The following PRR12 variants were observed in gnomAD, a reference collection of about 807,000 sequenced individuals.
PRR12 encodes the protein proline rich 12.
PRR12 carries 12 observed loss-of-function variants against 138.0 expected under a neutral mutation model. The observed-to-expected ratio is 0.09, with a 90% CI of 0.06 to 0.14. The LOEUF (loss-of-function observed/expected upper bound fraction) is 0.14. Among genes scored for constraint, PRR12 ranks in the 10% least tolerant of loss-of-function variants. The probability of loss-of-function intolerance (pLI) is 1.00; values close to 1 mark genes in which losing one functional copy is unlikely to be tolerated. For missense variants in PRR12, 2,692 were observed against 2,861.3 expected (o/e 0.94, Z 1.35); for synonymous variants, 1,567 against 1,291.7 (o/e 1.21, Z -4.57).
At position 49,596,212 on chromosome 19, in the gene PRR12, C is replaced by A; in HGVS notation, c.1877C>A (p.Ala626Glu). ...KGKGDGSELLAGPGGPPAERT... is the reference protein window; with the variant it reads ...KGKGDGSELLEGPGGPPAERT... The stretch of plus-strand genomic sequence containing the variant: ...AAGGGGGATGGCTCGGAGCTGCTGG[C>A]GGGCCCAGGTGGGCCTCCTGCGGAG... Residue 626 changes from alanine to glutamate, a missense_variant, in exon 4 of 14, where the codon GCG becomes GAG. Transcript: ENST00000418929. This position sits in a 1 kb window ranked among gnomAD's most constrained non-coding sequence, Gnocchi z 5.6. 1 of 1,610,696 alleles carries A rather than the reference C, an allele frequency of 6.2e-7. No homozygotes were observed. The highest frequency in any genetic ancestry group is 1.1e-5 in the South Asian group (1 of 91,062).
intron 6 of PRR12, among the ~76,000 whole-genome samples, chr19:49,606,447 G>C (rs1253505339): frequency 1.3e-5 from 2 of 151,638 alleles, no homozygotes; most frequent in Non-Finnish European, 2.9e-5. Flanking sequence ...GAGTAGCTGG[G>C]ATTACAGGCG....
At position 49,597,216 on chromosome 19, in the gene PRR12, G is replaced by T. The variant is rs1346874398; in HGVS notation, c.2881G>T (p.Asp961Tyr). 2 of 1,567,646 alleles carry T rather than the reference G, an allele frequency of 1.3e-6. No homozygotes were observed. The highest frequency in any genetic ancestry group is 1.7e-4 in the Middle Eastern group (1 of 6,014). ...EEMFGGGAAD[D>Y]YGKAGPPEDE... ...GATGTTCGGTGGAGGGGCCGCGGACGACTACGGCAAGGCCGGGCCACCTGA... is the reference window on the plus strand; with the variant it reads ...GATGTTCGGTGGAGGGGCCGCGGACTACTACGGCAAGGCCGGGCCACCTGA... The change falls in exon 4 of 14, where the codon GAC becomes TAC. Residue 961 changes from aspartate to tyrosine, a missense_variant. Around this residue, in one of 11 missense-constraint regions of PRR12, gnomAD observed 840 missense variants for 689.8 expected, o/e 1.22. Transcript: ENST00000418929. This position sits in a 1 kb window ranked among gnomAD's most constrained non-coding sequence, Gnocchi z 6.3.
chr19:49,605,962 A>T lies in PRR12; in HGVS notation c.4773+4044A>T, dbSNP rs376370418. On this transcript the variant is annotated intron_variant, in intron 6 of 13. Coordinates refer to ENST00000418929, the MANE Select transcript of PRR12 (RefSeq NM_020719.3). ...ATAGTTAAGAGCCCAGCTTTGGTTT[A>T]ACCTGACTGACTCAAATCTCTGCCA... 3.3e-5 allele frequency among the ~76,000 whole-genome samples: 5 copies of T among 152,326 alleles called. No homozygotes were observed. The East Asian group carries it at 9.7e-4, about 29-fold the overall frequency.
intron 11 of PRR12, among the ~76,000 whole-genome samples, chr19:49,622,170 C>T (rs946019303): frequency 8.5e-5 from 13 of 152,158 alleles, no homozygotes; most frequent in African/African-American, 3.1e-4. Flanking sequence ...TTTGAGAATT[C>T]TGGAAGACTT....
intron 1 of PRR12, among the ~76,000 whole-genome samples, chr19:49,592,115 G>A (rs933618515): frequency 4.0e-5 from 6 of 151,784 alleles, no homozygotes; most frequent in African/African-American, 1.5e-4. Context: ...GCAAAGGTGG[G>A]AAGAAGAGAA....
Position 49,616,360 on chromosome 19 carries a change from G to T in PRR12, c.5497+141G>T. On this transcript the variant is annotated intron_variant, in intron 9 of 13. Transcript: ENST00000418929. This position sits in a 1 kb window ranked among gnomAD's most constrained non-coding sequence, Gnocchi z 4.2. ...GATAATGGCAGTAGCTCACAGTCAC[G>T]GGGCATCTCACTACACGACAGGCTG... The T allele has an allele frequency of 1.4e-6, 1 of 719,104 alleles. No individual in the cohort carries two copies. The highest frequency in any genetic ancestry group is 2.9e-5 in the East Asian group (1 of 34,208). 44.5% of individuals were successfully genotyped at this position (719,104 alleles called of 1,614,324 possible). A position where few individuals can be genotyped will look rare whatever the true frequency, so the allele number is the denominator to read the frequency against.
At chr19:49,621,910 G>C in intron 11 of PRR12, 2 of 455,706 alleles carry the variant, frequency 4.4e-6, no homozygotes, top group African/African-American at 3.9e-5. Flanking sequence ...GACTAGGCCT[G>C]CACCCAAAGC....
At position 49,601,801 on chromosome 19, in the gene PRR12, G is replaced by A. The variant is rs1312711451; in HGVS notation, c.4656G>A (p.Gln1552=). ...DTRPLHLAKK[Q]ETAAVCGETD... ...GGCCCCTGCATCTGGCCAAAAAGCA[G>A]GAGACGGCGGCAGTGTGTGGGGAGA... The change falls in exon 6 of 14, where the codon CAG becomes CAA. Residue 1552 remains glutamine (Q), a synonymous_variant. Transcript: ENST00000418929. The A allele has an allele frequency of 6.2e-7, 1 of 1,611,660 alleles. No homozygotes were observed. Among genetic ancestry groups the A allele is most frequent in the South Asian group, 1.1e-5 (1 of 90,856 alleles).
Position 49,615,855 on chromosome 19 carries a change from T to A in PRR12, c.5133T>A (p.Ser1711=). The change falls in exon 9 of 14, where the codon TCT becomes TCA. Residue 1711 remains serine (S), a synonymous_variant. Coordinates refer to ENST00000418929, the MANE Select transcript of PRR12 (RefSeq NM_020719.3). ...CTGAGACCCCTGAAAAGACGACATC[T>A]GAGAAGCCCCCAGAGCAGACTCCTG... is the stretch of plus-strand genomic sequence containing the variant. ...PKPETPEKTT[S]EKPPEQTPET... The A allele has an allele frequency of 6.2e-7, 1 of 1,604,992 alleles. No individual in the cohort carries two copies. Among genetic ancestry groups the A allele is most frequent in the Non-Finnish European group, 8.5e-7 (1 of 1,176,072 alleles).
rs762664639 is a variant in PRR12, at chr19:49,596,436, C to G, written c.2101C>G (p.Gln701Glu). The G allele has an allele frequency of 3.7e-6, 6 of 1,610,976 alleles. No individual in the cohort carries two copies. Among genetic ancestry groups the G allele is most frequent in the Non-Finnish European group, 5.1e-6 (6 of 1,179,540 alleles). Residue 701 changes from glutamine to glutamate, a missense_variant, in exon 4 of 14, where the codon CAG becomes GAG. This residue lies in a region of PRR12 where 840 missense variants were observed against 689.8 expected (regional missense o/e 1.22). Transcript: ENST00000418929. This position sits in a 1 kb window ranked among gnomAD's most constrained non-coding sequence, Gnocchi z 5.6. ...GGAAGACCCCCAGAGGTACCACCTG[C>G]AGAGTGTCATCCGCACCAGTGCCAG... The part of the protein sequence containing the change: ...AKEDPQRYHL[Q>E]SVIRTSASLD...
At chr19:49,623,157 G>A (rs372565703) in intron 11 of PRR12, among the ~76,000 whole-genome samples, 20 of 151,790 alleles carry the variant, frequency 1.3e-4, no homozygotes, top group African/African-American at 4.6e-4. Context: ...AAAATTCTGG[G>A]TAGCATTAGG....
At position 49,625,411 on chromosome 19, in the gene PRR12, C is replaced by A; in HGVS notation, c.5965-50C>A. 1.3e-6 allele frequency: 2 copies of A among 1,534,652 alleles called. No homozygotes were observed. The highest frequency in any genetic ancestry group is 1.7e-6 in the Non-Finnish European group (2 of 1,143,488). Reference sequence around the variant, plus strand: ...GCCCCATGCCCCAGCCCCTTCCCTCCCCAGAGGCCGGTGTGCCACCCTCCC... The same window carrying A: ...GCCCCATGCCCCAGCCCCTTCCCTCACCAGAGGCCGGTGTGCCACCCTCCC... On this transcript the variant is annotated intron_variant, in intron 13 of 13. Coordinates refer to ENST00000418929, the MANE Select transcript of PRR12 (RefSeq NM_020719.3). This position sits in a 1 kb window ranked among gnomAD's most constrained non-coding sequence, Gnocchi z 5.5.
intron 6 of PRR12, among the ~76,000 whole-genome samples, chr19:49,602,765 T>A (rs2080819174): frequency 6.6e-6 from 1 of 152,208 alleles, no homozygotes; most frequent in Non-Finnish European, 1.5e-5. Flanking sequence ...TTGGCCAGGC[T>A]GGTCTCGAAC....
chr19:49,596,929 G>A lies in PRR12; in HGVS notation c.2594G>A (p.Ser865Asn), dbSNP rs775006896. Residue 865 changes from serine (S) to asparagine (N), a missense_variant, in exon 4 of 14, where the codon AGC (serine) becomes AAC (asparagine). This residue lies in a region of PRR12 where 840 missense variants were observed against 689.8 expected (regional missense o/e 1.22). Transcript: ENST00000418929. The surrounding 1 kb of genome is among the most constrained non-coding windows in gnomAD (Gnocchi z 5.6). ...CATGGCCTGGAGCCCGCGGCCCCCA[G>A]CCCCCGCCTGCGACCCGAGGAGAGC... The part of the protein sequence containing the change: ...RSHGLEPAAP[S>N]PRLRPEESLD... The A allele has an allele frequency of 3.7e-5, 53 of 1,424,404 alleles. No homozygotes were observed. In the African/African-American group the frequency reaches 7.1e-4, roughly 19 times the overall value. 88.2% of individuals were successfully genotyped at this position (1,424,404 alleles called of 1,614,324 possible).
intron 9 of PRR12, among the ~76,000 whole-genome samples, chr19:49,618,890 T>G (rs948038003): frequency 2.0e-5 from 3 of 151,888 alleles, no homozygotes; most frequent in Non-Finnish European, 2.9e-5. Flanking sequence ...CCTGCTTGGC[T>G]TAGGAGGGAT....
Position 49,625,007 on chromosome 19 carries a change from G to C in PRR12, c.5868+17G>C. ...AGAGCCCAGGTGGGCACTGGGGCTG[G>C]GGCTGGGAGTGGGGAGTGCTGGCGG... On this transcript the variant is annotated intron_variant, in intron 12 of 13. Transcript: ENST00000418929. The surrounding 1 kb of genome is among the most constrained non-coding windows in gnomAD (Gnocchi z 5.5). The C allele has an allele frequency of 1.9e-6, 3 of 1,606,414 alleles. No individual in the cohort carries two copies. The highest frequency in any genetic ancestry group is 2.6e-6 in the Non-Finnish European group (3 of 1,175,208).
At position 49,595,216 on chromosome 19, in the gene PRR12, G is replaced by A. The variant is rs763224583; in HGVS notation, c.881G>A (p.Arg294Gln). The A allele has an allele frequency of 6.4e-6, 10 of 1,573,348 alleles. No individual in the cohort carries two copies. The highest frequency in any genetic ancestry group is 6.9e-6 in the Non-Finnish European group (8 of 1,162,598). The change falls in exon 4 of 14, where the codon CGG (arginine) becomes CAG (glutamine). Residue 294 changes from arginine (R) to glutamine (Q), a missense_variant. Transcript: ENST00000418929. The part of the protein sequence containing the change: ...RQDTVIKHYQ[R>Q]PASAQPPPPP... Reference sequence around the variant, plus strand: ...GACACGGTCATCAAGCACTACCAGCGGCCAGCCAGTGCCCAGCCCCCACCA... The same window carrying A: ...GACACGGTCATCAAGCACTACCAGCAGCCAGCCAGTGCCCAGCCCCCACCA...
chr19:49,597,727 G>A lies in PRR12; in HGVS notation c.3392G>A (p.Arg1131His), dbSNP rs758117305. 2.5e-6 allele frequency: 4 copies of A among 1,607,814 alleles called. No homozygotes were observed. The highest frequency in any genetic ancestry group is 2.2e-5 in the South Asian group (2 of 90,058). Reference protein sequence around the residue: ...LPDLVSSCRSRPALSPLGDID... With the variant: ...LPDLVSSCRSHPALSPLGDID... ...GACCTGGTCTCCAGCTGCCGCTCCC[G>A]TCCGGCCCTCTCGCCACTGGGGGAC... Residue 1131 changes from arginine to histidine, a missense_variant, in exon 4 of 14, where the codon CGT (arginine) becomes CAT (histidine). Physicochemically the swap from Arg to His is conservative, Grantham distance 29 (BLOSUM62 0). This residue lies in a region of PRR12 where 326 missense variants were observed against 344.2 expected (regional missense o/e 0.95). Transcript: ENST00000418929. The surrounding 1 kb of genome is among the most constrained non-coding windows in gnomAD (Gnocchi z 6.3).
At position 49,625,587 on chromosome 19, in the gene PRR12, G is replaced by A. The variant is rs1286647810; in HGVS notation, c.6091G>A (p.Ala2031Thr). ...SFSDLLAQAQ[A>T]HSRCG The stretch of plus-strand genomic sequence containing the variant: ...CAGTGACCTGCTGGCCCAAGCACAG[G>A]CCCACAGCCGCTGCGGGTGACCCCG... Residue 2031 changes from alanine to threonine, a missense_variant, in exon 14 of 14, where the codon GCC becomes ACC. By Grantham distance (58) the Ala-to-Thr change is moderately conservative. This residue lies in a region of PRR12 where 116 missense variants were observed against 243.4 expected (regional missense o/e 0.48). Coordinates refer to ENST00000418929, the MANE Select transcript of PRR12 (RefSeq NM_020719.3). The surrounding 1 kb of genome is among the most constrained non-coding windows in gnomAD (Gnocchi z 5.5). 2 of 1,608,072 alleles carry A rather than the reference G, an allele frequency of 1.2e-6. No individual in the cohort carries two copies. Among genetic ancestry groups the A allele is most frequent in the Non-Finnish European group, 1.7e-6 (2 of 1,177,446 alleles).
Sources: allele counts gnomAD v4.1 joint callset (sites outside exome capture counted in the v4.1 genomes callset), GRCh38; gene constraint gnomAD v4.1.1; regional missense constraint gnomAD v4.1.1; non-coding constraint Gnocchi (gnomAD v3.1); transcripts MANE v1.5; gene names NCBI Gene and HGNC (gene_info 2026-07-23, HGNC 2026-07-21).